Variants in PTPRA observed in about 807,000 individuals in gnomAD.
The protein encoded by PTPRA is receptor-type tyrosine-protein phosphatase alpha.
A neutral mutation model predicts 104.8 loss-of-function variants in PTPRA; 25 were observed. The ratio of observed to expected loss-of-function variants is 0.24; its 90% CI spans 0.17 to 0.33. PTPRA has a LOEUF of 0.33. Ranked by LOEUF, PTPRA falls within the 10% of genes least tolerant of loss-of-function variation. The pLI, the probability that PTPRA is intolerant of heterozygous loss-of-function variation, is 1.00. For missense variants in PTPRA, 765 were observed against 1,015.3 expected (o/e 0.75, Z 3.35); for synonymous variants, 323 against 368.9 (o/e 0.88, Z 1.43).
chr20:3,020,548 C>T (rs1224969634), intron 13 of PTPRA, among the ~76,000 whole-genome samples: 2 of 152,240 alleles, frequency 1.3e-5, no homozygotes, highest in East Asian at 3.8e-4. Flanking sequence ...AGGCCTTGGC[C>T]TAATCCTGGA....
chr20:2,915,040 C>A (rs575625598), intron 1 of PTPRA, among the ~76,000 whole-genome samples: 2 of 152,120 alleles, frequency 1.3e-5, no homozygotes, highest in Non-Finnish European at 2.9e-5. Flanking sequence ...TTTTCAAGTT[C>A]CATCCATGTT....
At chr20:2,882,269 T>C (rs1434356646) in intron 1 of PTPRA, among the ~76,000 whole-genome samples, 1 of 151,368 alleles carries the variant, frequency 6.6e-6, no homozygotes, top group Non-Finnish European at 1.5e-5. Context: ...CGCTAGATAC[T>C]CTTTTTTTTC....
At chr20:2,932,704 A>G (rs1429905785) in intron 2 of PTPRA, among the ~76,000 whole-genome samples, 1 of 152,214 alleles carries the variant, frequency 6.6e-6, no homozygotes, top group Non-Finnish European at 1.5e-5. Context: ...TGACAAAGGA[A>G]GGATATGTTT....
chr20:2,931,592 A>G (rs1166934383), intron 2 of PTPRA, among the ~76,000 whole-genome samples: 1 of 152,076 alleles, frequency 6.6e-6, no homozygotes, highest in Admixed American at 6.5e-5. Context: ...AATACTGTAG[A>G]CCCTCATTCC....
At chr20:3,007,870 C>T (rs1391841782) in intron 11 of PTPRA, among the ~76,000 whole-genome samples, 1 of 151,602 alleles carries the variant, frequency 6.6e-6, no homozygotes. Context: ...ATCTGGTTAG[C>T]CATATATGAA....
Position 3,037,418 on chromosome 20 carries a change from C to T in PTPRA, c.2334+129C>T. ...AAACACAGACCTGCCCTTGCCCTCC[C>T]AAGGTGCCCCAAATACACAGGAAAC... On this transcript the variant is annotated intron_variant, in intron 23 of 23. Transcript: ENST00000399903. The surrounding 1 kb of genome is among the most constrained non-coding windows in gnomAD (Gnocchi z 4.3). The T allele has an allele frequency of 7.2e-7, 1 of 1,389,328 alleles. No homozygotes were observed. Among genetic ancestry groups the T allele is most frequent in the Non-Finnish European group, 9.7e-7 (1 of 1,028,172 alleles). The allele number at this position is 1,389,328 out of a possible 1,614,324, so 86.1% of individuals were successfully genotyped here.
chr20:2,885,970 A>G (rs540735977), intron 1 of PTPRA, among the ~76,000 whole-genome samples: 1 of 152,208 alleles, frequency 6.6e-6, no homozygotes, highest in Non-Finnish European at 1.5e-5. Flanking sequence ...AGGCTGAGGC[A>G]GGAGAATTGC....
intron 3 of PTPRA, among the ~76,000 whole-genome samples, chr20:2,963,057 A>G (rs1256385665): frequency 6.6e-6 from 1 of 152,224 alleles, no homozygotes; most frequent in East Asian, 1.9e-4. Flanking sequence ...TGAATGGATG[A>G]ACAAACCACT....
chr20:2,897,993 A>G (rs1406357508), intron 1 of PTPRA, among the ~76,000 whole-genome samples: 5 of 145,288 alleles, frequency 3.4e-5, no homozygotes, highest in Middle Eastern at 3.6e-3. Context: ...GTTCACTGCA[A>G]CCTCCACCTC....
intron 3 of PTPRA, 127 bp from the exon 4 acceptor site, chr20:2,964,145 C>T (rs1269008190): frequency 1.3e-6 from 1 of 743,304 alleles, no homozygotes; most frequent in Non-Finnish European, 2.3e-6. Context: ...ATATCAGGCT[C>T]CCAAAAGATC....
At chr20:2,913,098 G>A (rs573345759) in intron 1 of PTPRA, among the ~76,000 whole-genome samples, 35 of 152,218 alleles carry the variant, frequency 2.3e-4, no homozygotes, top group East Asian at 2.1e-3. Flanking sequence ...GAGTTTGGCC[G>A]GGCACGGTGG....
chr20:2,865,788 G>A, the PTPRA span: 3 of 496,802 alleles, frequency 6.0e-6, no homozygotes, highest in Non-Finnish European at 1.1e-5. This position sits in a 1 kb window ranked among gnomAD's most constrained non-coding sequence, Gnocchi z 5.2. Context: ...TGTCTGAGGA[G>A]GGTGGAGGGG....
intron 1 of PTPRA, among the ~76,000 whole-genome samples, chr20:2,896,395 A>G (rs2059001767): frequency 6.6e-6 from 1 of 152,048 alleles, no homozygotes; most frequent in Admixed American, 6.5e-5. Context: ...AAAAACAAAA[A>G]ACAAACGAAA....
At position 2,965,123 on chromosome 20, in the gene PTPRA, G is replaced by T; in HGVS notation, c.336G>T (p.Gln112His). ...SPNGTWLPDN[Q>H]FTDARTEPWE... ...ATGGAACGTGGCTTCCAGATAACCA[G>T]TTCACGGATGCCAGAACAGAACCCT... The change falls in exon 5 of 24, where the codon CAG becomes CAT. Residue 112 changes from glutamine to histidine, a missense_variant. By Grantham distance (24) the Gln-to-His change is conservative. Transcript: ENST00000399903. The T allele has an allele frequency of 3.1e-6, 5 of 1,614,130 alleles. No homozygotes were observed. The highest frequency in any genetic ancestry group is 4.2e-6 in the Non-Finnish European group (5 of 1,180,018).
At chr20:2,931,708 G>A (rs1337640820) in intron 2 of PTPRA, among the ~76,000 whole-genome samples, 6 of 117,898 alleles carry the variant, frequency 5.1e-5, no homozygotes, top group African/African-American at 1.3e-4. Flanking sequence ...AGGCAGGGAC[G>A]GGTCTTGGCT....
Position 2,945,575 on chromosome 20 carries a change from A to G in PTPRA, c.-49-2407A>G, listed in dbSNP as rs866143523. On this transcript the variant is annotated intron_variant, in intron 2 of 23. Coordinates refer to ENST00000399903, the MANE Select transcript of PTPRA (RefSeq NM_001385305.1). Reference sequence around the variant, plus strand: ...GTATGGAGCACGGAGCTTGATTATAATTGGCAGGTGTGTGTGTGTGTGTGT... The same window carrying G: ...GTATGGAGCACGGAGCTTGATTATAGTTGGCAGGTGTGTGTGTGTGTGTGT... 1.6e-5 allele frequency among the ~76,000 whole-genome samples: 2 copies of G among 122,996 alleles called. 1 individual carries two copies. Among genetic ancestry groups the G allele is most frequent in the Middle Eastern group, 7.4e-3 (2 of 272 alleles). 80.7% of individuals were successfully genotyped at this position (122,996 alleles called of 152,430 possible).
intron 1 of PTPRA, among the ~76,000 whole-genome samples, chr20:2,881,039 TG>T (rs924290610): frequency 2.7e-5 from 4 of 150,024 alleles, no homozygotes; most frequent in Non-Finnish European, 5.9e-5. Context: ...CCGGGCATAG[TG>T]GGTCACACCT....
chr20:2,905,896 G>A (rs2147153363), intron 1 of PTPRA, among the ~76,000 whole-genome samples: 2 of 151,908 alleles, frequency 1.3e-5, no homozygotes, highest in Middle Eastern at 6.8e-3. Context: ...ATGTTGGTCA[G>A]GCTGGTCTCG....
In PTPRA at chr20:2,960,047, G is replaced by A. The variant is rs145700120; in HGVS notation, c.-6-4225G>A. On this transcript the variant is annotated intron_variant, in intron 3 of 23. Coordinates refer to ENST00000399903, the MANE Select transcript of PTPRA (RefSeq NM_001385305.1). Reference sequence around the variant, plus strand: ...ATTATCCACATCCTACACCACTGTGGTACCTTTGTTGCAATTGATGGACCA... The same window carrying A: ...ATTATCCACATCCTACACCACTGTGATACCTTTGTTGCAATTGATGGACCA... Among the ~76,000 whole-genome samples, 204 of 152,202 alleles carry A rather than the reference G, an allele frequency of 1.3e-3. 1 individual carries two copies. Among genetic ancestry groups the A allele is most frequent in the African/African-American group, 4.6e-3 (193 of 41,530 alleles).
Sources: gnomAD v4.1 joint callset for allele counts (sites outside exome capture counted in the v4.1 genomes callset) on GRCh38, gnomAD v4.1.1 for gene constraint, Gnocchi (gnomAD v3.1) non-coding constraint, MANE v1.5 for transcripts, NCBI Gene and HGNC (gene_info 2026-07-23, HGNC 2026-07-21) for gene names.